Variants in TBC1D10A observed in about 807,000 individuals in gnomAD.
TBC1D10A encodes the protein TBC1 domain family member 10A.
Under a neutral mutation model 52.9 loss-of-function variants are expected in TBC1D10A, and 24 were observed. That is an observed-to-expected ratio of 0.45 (90% CI 0.33 to 0.64). TBC1D10A has a LOEUF of 0.64. Among genes scored for constraint, TBC1D10A ranks in the 30% least tolerant of loss-of-function variants. The pLI is 0.02. For synonymous variants in TBC1D10A, 278 were observed against 282.9 expected, an observed-to-expected ratio of 0.98 and a Z score of 0.17; for missense variants, 602 against 687.9, an observed-to-expected ratio of 0.88 and a Z score of 1.40.
rs1930014189 is a variant in TBC1D10A at position 30,293,963 on chromosome 22, A to G, written c.853T>C (p.Trp285Arg). ...TCCCAGACACGCAGCACAGAGCTCC[A>G]GGGCAAGGTTCGGGAGAAGGCGCAC... The part of the protein sequence containing the change: ...FMCAFSRTLP[W>R]SSVLRVWDMF... The change falls in exon 7 of 9, where the codon TGG (tryptophan) becomes CGG (arginine). Residue 285 changes from tryptophan (W) to arginine (R), a missense_variant. Trp to Arg is a moderately radical substitution (Grantham distance 101). Around this residue, in one of 3 missense-constraint regions of TBC1D10A, gnomAD observed 136 missense variants for 208.4 expected, o/e 0.65. Coordinates refer to ENST00000215790, the MANE Select transcript of TBC1D10A (RefSeq NM_031937.3). 1 of 1,614,092 alleles carries G rather than the reference A, an allele frequency of 6.2e-7. No individual in the cohort carries two copies. Among genetic ancestry groups the G allele is most frequent in the Non-Finnish European group, 8.5e-7 (1 of 1,179,972 alleles).
intron 1 of TBC1D10A, among the ~76,000 whole-genome samples, chr22:30,317,999 A>G (rs2145783343): frequency 6.6e-6 from 1 of 152,264 alleles, no homozygotes; most frequent in South Asian, 2.1e-4. Context: ...GCCATCACTG[A>G]CACTCTGACC....
chr22:30,321,709 G>A (rs1930655793), intron 1 of TBC1D10A, among the ~76,000 whole-genome samples: 1 of 152,180 alleles, frequency 6.6e-6, no homozygotes, highest in African/African-American at 2.4e-5. Flanking sequence ...GAGGCTGGAT[G>A]GGAAGCTCTC....
At chr22:30,309,120 T>C (rs1415928052) in intron 1 of TBC1D10A, among the ~76,000 whole-genome samples, 2 of 152,132 alleles carry the variant, frequency 1.3e-5, no homozygotes. Context: ...TCCTCCAGTG[T>C]TGTGACTGCC....
chr22:30,311,400 G>A (rs1166066693), intron 1 of TBC1D10A, among the ~76,000 whole-genome samples: 3 of 152,148 alleles, frequency 2.0e-5, no homozygotes, highest in Non-Finnish European at 2.9e-5. Flanking sequence ...TCTGGGGCCC[G>A]GCCACCCCTG....
intron 1 of TBC1D10A, among the ~76,000 whole-genome samples, chr22:30,314,111 G>C (rs2145779999): frequency 1.3e-5 from 2 of 152,248 alleles, no homozygotes; most frequent in East Asian, 3.9e-4. Context: ...AGGAAACTCA[G>C]GTTCTTCAGA....
intron 1 of TBC1D10A, among the ~76,000 whole-genome samples, chr22:30,324,535 C>CAA (rs1463868810): frequency 6.6e-6 from 1 of 152,178 alleles, no homozygotes; most frequent in African/African-American, 2.4e-5. Context: ...GTAAGAAAGA[C>CAA]AGATGTCTGG....
At chr22:30,313,657 T>C (rs1930476201) in intron 1 of TBC1D10A, among the ~76,000 whole-genome samples, 1 of 130,968 alleles carries the variant, frequency 7.6e-6, no homozygotes, top group Non-Finnish European at 1.6e-5. Context: ...CACCTCAGCC[T>C]CCCAAAGTGT....
At chr22:30,320,459 C>G (rs143566804) in intron 1 of TBC1D10A, among the ~76,000 whole-genome samples, 1 of 152,276 alleles carries the variant, frequency 6.6e-6, no homozygotes, top group Non-Finnish European at 1.5e-5. Flanking sequence ...CCTGCTGCCA[C>G]CTTAGCAAGG....
chr22:30,322,847 AG>A (rs1054029683), intron 1 of TBC1D10A, among the ~76,000 whole-genome samples: 1 of 149,608 alleles, frequency 6.7e-6, no homozygotes, highest in Non-Finnish European at 1.5e-5. Context: ...CGCCTGCCTC[AG>A]CCTCCCAAAG....
At chr22:30,305,703 A>T (rs1930297724) in intron 1 of TBC1D10A, 1 of 152,300 alleles carries the variant, frequency 6.6e-6, no homozygotes, top group Non-Finnish European at 1.5e-5. Context: ...TGCTACTGTG[A>T]CTTTTACTGG....
chr22:30,299,319 C>T, intron 3 of TBC1D10A, 125 bp downstream of exon 3: 1 of 963,180 alleles, frequency 1.0e-6, no homozygotes, highest in Non-Finnish European at 1.6e-6. Context: ...CAGTTGGGCA[C>T]ATGACTGGAG....
At chr22:30,307,065 A>G (rs779447212) in intron 1 of TBC1D10A, among the ~76,000 whole-genome samples, 1 of 152,098 alleles carries the variant, frequency 6.6e-6, no homozygotes, top group Non-Finnish European at 1.5e-5. Flanking sequence ...TATCTTATGA[A>G]TTTGACCCTC....
intron 2 of TBC1D10A, among the ~76,000 whole-genome samples, chr22:30,302,769 C>G (rs1930227966): frequency 6.6e-6 from 1 of 152,222 alleles, no homozygotes; most frequent in African/African-American, 2.4e-5. Flanking sequence ...GGGGAAGTGT[C>G]AGCTGCTACT....
At chr22:30,301,421 C>G (rs1213125560) in intron 2 of TBC1D10A, among the ~76,000 whole-genome samples, 1 of 152,200 alleles carries the variant, frequency 6.6e-6, no homozygotes, top group Non-Finnish European at 1.5e-5. Flanking sequence ...TTAAGCCAAC[C>G]ACTTCTCAAC....
At position 30,292,094 on chromosome 22, in the gene TBC1D10A, T is replaced by A. The variant is rs1456983889; in HGVS notation, c.*281A>T. Reference sequence around the variant, plus strand: ...ACCAGCACCCTAACCCTGGGGAGCATCCCCCAGGAGGAGGGGGCTGAAGGA... The same window carrying A: ...ACCAGCACCCTAACCCTGGGGAGCAACCCCCAGGAGGAGGGGGCTGAAGGA... On this transcript the variant is annotated 3_prime_UTR_variant, in exon 9 of 9. Coordinates refer to ENST00000215790, the MANE Select transcript of TBC1D10A (RefSeq NM_031937.3). 1.0e-5 allele frequency: 4 copies of A among 387,970 alleles called. No individual in the cohort carries two copies. The highest frequency in any genetic ancestry group is 1.8e-5 in the Non-Finnish European group (4 of 217,432). 24.0% of individuals were successfully genotyped at this position (387,970 alleles called of 1,614,324 possible).
intron 1 of TBC1D10A, among the ~76,000 whole-genome samples, chr22:30,324,181 C>G (rs1038406499): frequency 6.6e-6 from 1 of 152,176 alleles, no homozygotes; most frequent in African/African-American, 2.4e-5. Flanking sequence ...ACCATCTCCA[C>G]AGTACCCATG....
rs1429963257 is a variant in TBC1D10A at position 30,304,655 on chromosome 22, T to A, written c.210-25A>T. 7 of 1,610,966 alleles carry A rather than the reference T, an allele frequency of 4.3e-6. No homozygotes were observed. In the South Asian group the frequency reaches 7.7e-5, roughly 18 times the overall value. The stretch of plus-strand genomic sequence containing the variant: ...CCTGTGGAGCAGAGGGCAGGGCCTG[T>A]GAGAGGTGCCAAGGGAAGCAAAGGC... On this transcript the variant is annotated intron_variant, in intron 1 of 8. Transcript: ENST00000215790.
intron 4 of TBC1D10A, among the ~76,000 whole-genome samples, chr22:30,295,431 T>C (rs1826336976): frequency 6.6e-6 from 1 of 152,144 alleles, no homozygotes; most frequent in Non-Finnish European, 1.5e-5. Flanking sequence ...GCCTGCCCTA[T>C]CTCTCCCCTG....
intron 2 of TBC1D10A, among the ~76,000 whole-genome samples, chr22:30,301,108 A>G (rs1395653863): frequency 6.6e-6 from 1 of 152,080 alleles, no homozygotes; most frequent in African/African-American, 2.4e-5. Context: ...AAACCCTACT[A>G]CCTCCTAGCT....
Sources: allele counts gnomAD v4.1 joint callset (sites outside exome capture counted in the v4.1 genomes callset), GRCh38; gene constraint gnomAD v4.1.1; regional missense constraint gnomAD v4.1.1; transcripts MANE v1.5; gene names NCBI Gene and HGNC (gene_info 2026-07-23, HGNC 2026-07-21).